The following PCBD1 variants were observed in gnomAD, a reference collection of about 807,000 sequenced individuals.
The protein encoded by PCBD1 is pterin-4 alpha-carbinolamine dehydratase 1, also known as pterin-4-alpha-carbinolamine dehydratase.
Under a neutral mutation model 12.6 loss-of-function variants are expected in PCBD1, and 16 were observed. That is an observed-to-expected ratio of 1.27 (90% CI 0.86 to 1.93). The LOEUF is 1.93. Ranked by LOEUF, PCBD1 falls within the 30% of genes most tolerant of loss-of-function variation. The probability of loss-of-function intolerance (pLI) is 0.00; values close to 1 mark genes in which losing one functional copy is unlikely to be tolerated. For missense variants in PCBD1, 86 were observed against 130.1 expected (o/e 0.66, Z 1.65); for synonymous variants, 53 against 50.2 (o/e 1.05, Z -0.23).
chr10:70,887,923 G>A (rs1666011803), intron 1 of PCBD1: 2 of 152,348 alleles, frequency 1.3e-5, no homozygotes, highest in African/African-American at 2.4e-5. Context: ...CAAGGGCCCC[G>A]CCCCCGCCCC....
rs1454462753 is a variant in PCBD1, at chr10:70,883,699, G to C, written c.*251C>G. 4 of 1,364,036 alleles carry C rather than the reference G, an allele frequency of 2.9e-6. No individual in the cohort carries two copies. The highest frequency in any genetic ancestry group is 2.8e-6 in the Non-Finnish European group (3 of 1,055,064). 84.5% of individuals were successfully genotyped at this position (1,364,036 alleles called of 1,614,324 possible). ...ATTATTGTTGCTGGGAAGTTGCAAA[G>C]AAAGGGGAGAGTTTATTCAAATTAG... On this transcript the variant is annotated 3_prime_UTR_variant, in exon 4 of 4. Coordinates refer to ENST00000299299, the MANE Select transcript of PCBD1 (RefSeq NM_000281.4).
At chr10:70,885,702 A>G in intron 2 of PCBD1, 96 bp downstream of exon 2, 1 of 1,457,478 alleles carries the variant, frequency 6.9e-7, no homozygotes. Flanking sequence ...GGTGTCTGAG[A>G]GTCTTGGCTA....
At chr10:70,886,019 C>CCCTAA in intron 1 of PCBD1, 90 bp from the exon 2 acceptor site, 1 of 1,534,584 alleles carries the variant, frequency 6.5e-7, no homozygotes, top group Non-Finnish European at 8.8e-7. Flanking sequence ...ACTTAGCTTC[C>CCCTAA]ACTGGCTGCT....
At chr10:70,887,041 C>A (rs1846594883) in intron 1 of PCBD1, among the ~76,000 whole-genome samples, 2 of 152,098 alleles carry the variant, frequency 1.3e-5, no homozygotes, top group Non-Finnish European at 1.5e-5. Context: ...TATGAGGCAG[C>A]CTGCAGACTG....
intron 3 of PCBD1, among the ~76,000 whole-genome samples, chr10:70,884,478 A>ATTTTTTTTTTTTTTTTTTTT (rs71012255): frequency 9.2e-6 from 1 of 108,466 alleles, no homozygotes; most frequent in African/African-American, 3.7e-5. Flanking sequence ...ATGTGTCTGT[A>ATTTTTTTTTTTTTTTTTTTT]TTTTTTTTTT....
intron 1 of PCBD1, among the ~76,000 whole-genome samples, chr10:70,886,904 A>G (rs1846593133): frequency 6.6e-6 from 1 of 152,230 alleles, no homozygotes; most frequent in Non-Finnish European, 1.5e-5. Context: ...ATCCAGGTCT[A>G]GGAGCTTAAC....
Position 70,885,141 on chromosome 10 carries a change from G to A in PCBD1, c.216+11C>T. 2 of 1,608,032 alleles carry A rather than the reference G, an allele frequency of 1.2e-6. No individual in the cohort carries two copies. Among genetic ancestry groups the A allele is most frequent in the South Asian group, 1.1e-5 (1 of 90,916 alleles). ...GGGCAGAGCACAACAGAGGCACACA[G>A]CATCACTCACCTTGTTGTACACGTT... On this transcript the variant is annotated intron_variant, in intron 3 of 3. Transcript: ENST00000299299.
chr10:70,884,001 C>A lies in PCBD1; in HGVS notation c.264G>T (p.Arg88=). The change falls in exon 4 of 4, where the codon CGG becomes CGT. Residue 88 remains arginine, a synonymous_variant. Coordinates refer to ENST00000299299, the MANE Select transcript of PCBD1 (RefSeq NM_000281.4). ...CGATGAAGCTGGCCAGGTTTATGTCCCGTTCTGAAAGGCCGGCACACTCAT... is the reference window on the plus strand; with the variant it reads ...CGATGAAGCTGGCCAGGTTTATGTCACGTTCTGAAAGGCCGGCACACTCAT... The part of the protein sequence containing the change: ...STHECAGLSE[R]DINLASFIEQ... 1 of 1,614,068 alleles carries A rather than the reference C, an allele frequency of 6.2e-7. No individual in the cohort carries two copies. Among genetic ancestry groups the A allele is most frequent in the Non-Finnish European group, 8.5e-7 (1 of 1,180,024 alleles).
downstream of PCBD1, chr10:70,883,394 A>G (rs749749523): frequency 2.7e-6 from 1 of 364,378 alleles, no homozygotes; most frequent in Non-Finnish European, 3.9e-6. Flanking sequence ...GGTCCCTGTC[A>G]TTTTCCAGTA....
rs1045944675 is a variant in PCBD1, at chr10:70,888,513, G to A, written c.3+18C>T. ...CGGCCCCGCTGCCCCGATCGCGGCCGCGCACCCCTGGACTCACCATGGCGC... is the reference window on the plus strand; with the variant it reads ...CGGCCCCGCTGCCCCGATCGCGGCCACGCACCCCTGGACTCACCATGGCGC... On this transcript the variant is annotated intron_variant, in intron 1 of 3. Transcript: ENST00000299299. 234 of 1,440,740 alleles carry A rather than the reference G, an allele frequency of 1.6e-4. No individual in the cohort carries two copies. The highest frequency in any genetic ancestry group is 2.0e-4 in the Non-Finnish European group (225 of 1,101,412). 89.2% of individuals were successfully genotyped at this position (1,440,740 alleles called of 1,614,324 possible).
downstream of PCBD1, among the ~76,000 whole-genome samples, chr10:70,882,650 A>ATGTT (rs1846517443): frequency 6.6e-6 from 1 of 152,186 alleles, no homozygotes; most frequent in African/African-American, 2.4e-5. Context: ...GAGGCCACCC[A>ATGTT]TGTTAGGGAA....
Sources: allele counts gnomAD v4.1 joint callset (sites outside exome capture counted in the v4.1 genomes callset), GRCh38; gene constraint gnomAD v4.1.1; transcripts MANE v1.5; gene names NCBI Gene and HGNC (gene_info 2026-07-23, HGNC 2026-07-21).